CFD: variants seen among roughly 807,000 people sequenced by gnomAD.
The protein encoded by CFD is C3 convertase activator.
Under a neutral mutation model 21.1 loss-of-function variants are expected in CFD, and 24 were observed. That is an observed-to-expected ratio of 1.14 (90% CI 0.82 to 1.60). CFD has a LOEUF of 1.60. CFD is among the 40% of genes most tolerant of loss of function. CFD has a pLI of 0.00. For synonymous variants in CFD, 242 were observed against 175.9 expected (o/e 1.38, Z -2.97); for missense variants, 535 against 383.3 (o/e 1.40, Z -3.31).
rs201362518 is a variant in CFD at position 862,001 on chromosome 19, G to A, written c.615+45G>A. On this transcript the variant is annotated intron_variant, in intron 4 of 4. Transcript: ENST00000327726. ...AGGAGACGCGGGGCCTGCAGGCCCC[G>A]GGAAGGGCCTGCAGAGGGAGCGCGA... 42 of 1,511,048 alleles carry A rather than the reference G, an allele frequency of 2.8e-5. No individual in the cohort carries two copies. The East Asian group carries it at 8.6e-4, about 31-fold the overall frequency. 93.6% of individuals were successfully genotyped at this position (1,511,048 alleles called of 1,614,324 possible).
Position 863,297 on chromosome 19 carries a change from ATCCAC to A in CFD, c.*63_*67del. 1.3e-6 allele frequency: 2 copies of A among 1,533,110 alleles called. No homozygotes were observed. Among genetic ancestry groups the A allele is most frequent in the Middle Eastern group, 1.7e-4 (1 of 5,984 alleles). The allele number at this position is 1,533,110 out of a possible 1,614,324, so 95.0% of individuals were successfully genotyped here. A position where few individuals can be genotyped will look rare whatever the true frequency, so the allele number is the denominator to read the frequency against. Reference sequence around the variant, plus strand: ...CAACAAAGTCCCGAGCAATGAAGTCATCCACTCCTGCATCTGGTTGGTCTTTATTG... The same window carrying A: ...CAACAAAGTCCCGAGCAATGAAGTCATCCTGCATCTGGTTGGTCTTTATTG... On this transcript the variant is annotated 3_prime_UTR_variant, in exon 5 of 5. Transcript: ENST00000327726.
At chr19:860,840 C>A in intron 2 of CFD, 21 bp from the exon 3 acceptor site, 1 of 1,559,314 alleles carries the variant, frequency 6.4e-7, no homozygotes, top group Non-Finnish European at 8.6e-7. Flanking sequence ...GCACCGACCG[C>A]GGACTCCGTC....
chr19:859,829 C>T (rs2035760370), intron 1 of CFD, 85 bp downstream of exon 1: 5 of 1,069,270 alleles, frequency 4.7e-6, no homozygotes, highest in Admixed American at 4.0e-5. Context: ...TCCTCCAGCC[C>T]CTCCAGGTGG....
chr19:859,860 C>G (rs932033004), intron 1 of CFD, 116 bp downstream of exon 1: 5 of 749,996 alleles, frequency 6.7e-6, no homozygotes, highest in South Asian at 6.0e-5. Context: ...GGTGTCTCTC[C>G]TCACTAATGG....
In CFD at chr19:863,305, C is replaced by T; in HGVS notation, c.*67C>T. 3.3e-6 allele frequency: 5 copies of T among 1,525,054 alleles called. No homozygotes were observed. The highest frequency in any genetic ancestry group is 4.4e-6 in the Non-Finnish European group (5 of 1,136,198). 94.5% of individuals were successfully genotyped at this position (1,525,054 alleles called of 1,614,324 possible). A position where few individuals can be genotyped will look rare whatever the true frequency, so the allele number is the denominator to read the frequency against. On this transcript the variant is annotated 3_prime_UTR_variant, in exon 5 of 5. Transcript: ENST00000327726. ...TCCCGAGCAATGAAGTCATCCACTC[C>T]TGCATCTGGTTGGTCTTTATTGAGC...
chr19:860,222 G>T, intron 1 of CFD, among the ~76,000 whole-genome samples: 1 of 151,354 alleles, frequency 6.6e-6, no homozygotes, highest in Non-Finnish European at 1.5e-5. Flanking sequence ...AGGGAGTCTC[G>T]CTCTGTCGTC....
At chr19:861,990 C>T (rs1639383850) in intron 4 of CFD, 34 bp downstream of exon 4, 5 of 1,516,674 alleles carry the variant, frequency 3.3e-6, no homozygotes, top group African/African-American at 1.4e-5. Flanking sequence ...GACGCGGGGC[C>T]TGCAGGCCCC....
Position 861,830 on chromosome 19 carries a change from G to T in CFD, c.489G>T (p.Pro163=). ...TAGTCAACCACGCGGGCCGCCGCCCGGACAGCCTGCAGCACGTGCTCTTGC... is the reference window on the plus strand; with the variant it reads ...TAGTCAACCACGCGGGCCGCCGCCCTGACAGCCTGCAGCACGTGCTCTTGC... ...WGIVNHAGRR[P]DSLQHVLLPV... The change falls in exon 4 of 5, where the codon CCG becomes CCT. Residue 163 remains proline, a synonymous_variant. Transcript: ENST00000327726. 6.2e-7 allele frequency: 1 copy of T among 1,601,358 alleles called. No individual in the cohort carries two copies. The highest frequency in any genetic ancestry group is 8.5e-7 in the Non-Finnish European group (1 of 1,178,816).
chr19:860,581 C>A, intron 1 of CFD, 36 bp from the exon 2 acceptor site: 2 of 1,394,836 alleles, frequency 1.4e-6, no homozygotes, highest in Non-Finnish European at 9.3e-7. Context: ...GGGGAGGAGT[C>A]CACCCCGCGG....
intron 4 of CFD, among the ~76,000 whole-genome samples, chr19:862,477 AGG>A (rs1311671444): frequency 3.9e-5 from 1 of 25,470 alleles, no homozygotes; most frequent in Non-Finnish European, 7.3e-5. Flanking sequence ...TGGGAGGTAT[AGG>A]GGGCGGGCAC....
intron 3 of CFD, among the ~76,000 whole-genome samples, chr19:861,455 G>A (rs948879047): frequency 1.4e-4 from 4 of 28,984 alleles, no homozygotes; most frequent in Non-Finnish European, 1.9e-4. Flanking sequence ...CCCACCCCCC[G>A]CTCCCCCTGC....
chr19:861,566 C>G, intron 3 of CFD, 133 bp from the exon 4 acceptor site: 1 of 898,892 alleles, frequency 1.1e-6, no homozygotes. Context: ...TAGCCTAAAT[C>G]TCTCCTGCTG....
rs1357834028 is a variant in CFD, at chr19:863,227, G to A, written c.751G>A (p.Val251Ile). 3.2e-6 allele frequency: 5 copies of A among 1,546,262 alleles called. No individual in the cohort carries two copies. The highest frequency in any genetic ancestry group is 4.3e-6 in the Non-Finnish European group (5 of 1,152,404). Residue 251 changes from valine (V) to isoleucine (I), a missense_variant, in exon 5 of 5, where the codon GTC becomes ATC. Val to Ile is a conservative substitution (Grantham distance 29). Transcript: ENST00000327726. ...GAGCTATGCGGCCTGGATCGACAGC[G>A]TCCTGGCCTAGGGTGCCGGGGCCTG... Reference protein sequence around the residue: ...VASYAAWIDSVLA With the variant: ...VASYAAWIDSILA
rs1438821159 is a variant in CFD at position 863,159 on chromosome 19, T to C, written c.683T>C (p.Val228Ala). The C allele has an allele frequency of 6.5e-7, 1 of 1,536,450 alleles. No homozygotes were observed. The change falls in exon 5 of 5, where the codon GTT becomes GCT. Residue 228 changes from valine to alanine, a missense_variant. Physicochemically the swap from Val to Ala is moderately conservative, Grantham distance 64. Coordinates refer to ENST00000327726, the MANE Select transcript of CFD (RefSeq NM_001928.4). The stretch of plus-strand genomic sequence containing the variant: ...GGCGTGGTCACCTCGGGCTCGCGCG[T>C]TTGCGGCAACCGCAAGAAGCCCGGG... ...LEGVVTSGSR[V>A]CGNRKKPGIY... is the part of the protein sequence containing the mutation.
In CFD at chr19:863,122, G is replaced by T. The variant is rs1281369805; in HGVS notation, c.646G>T (p.Gly216Cys). The change falls in exon 5 of 5, where the codon GGC becomes TGC. Residue 216 changes from glycine (G) to cysteine (C), a missense_variant. Gly to Cys is a radical substitution (Grantham distance 159). Coordinates refer to ENST00000327726, the MANE Select transcript of CFD (RefSeq NM_001928.4). ...CTCCGGGGGCCCGCTGGTGTGCGGG[G>T]GCGTGCTCGAGGGCGTGGTCACCTC... ...GDSGGPLVCGGVLEGVVTSGS... is the reference protein window; with the variant it reads ...GDSGGPLVCGCVLEGVVTSGS... 5 of 1,531,782 alleles carry T rather than the reference G, an allele frequency of 3.3e-6. No homozygotes were observed. The South Asian group carries it at 4.8e-5, about 15-fold the overall frequency. The allele number at this position is 1,531,782 out of a possible 1,614,324, so 94.9% of individuals were successfully genotyped here.
rs1568310000 is a variant in CFD at position 861,708 on chromosome 19, A to G, written c.367A>G (p.Lys123Glu). ...HDLLLLQLSE[K>E]ATLGPAVRPL... The stretch of plus-strand genomic sequence containing the variant: ...CCGCCTCCACCCTCAGCTGTCGGAG[A>G]AGGCCACACTGGGCCCTGCTGTGCG... The change falls in exon 4 of 5, where the codon AAG becomes GAG. Residue 123 changes from lysine to glutamate, a missense_variant. Transcript: ENST00000327726. The G allele has an allele frequency of 1.2e-6, 2 of 1,602,174 alleles. No homozygotes were observed. Among genetic ancestry groups the G allele is most frequent in the South Asian group, 1.1e-5 (1 of 89,820 alleles).
Position 860,628 on chromosome 19 carries a change from C to T in CFD, c.67C>T (p.Arg23Cys). Residue 23 changes from arginine to cysteine, a missense_variant, in exon 2 of 5, where the codon CGT becomes TGT. Transcript: ENST00000327726. ...LGAAACAAPPRGRILGGREAE... is the reference protein window; with the variant it reads ...LGAAACAAPPCGRILGGREAE... ...CCGCCCACCCACAGCGGCGCCGCCC[C>T]GTGGTCGGATCCTGGGCGGCAGAGA... is the stretch of plus-strand genomic sequence containing the variant. The T allele has an allele frequency of 2.1e-6, 3 of 1,459,298 alleles. No individual in the cohort carries two copies. The highest frequency in any genetic ancestry group is 9.0e-7 in the Non-Finnish European group (1 of 1,113,518). The allele number at this position is 1,459,298 out of a possible 1,614,324, so 90.4% of individuals were successfully genotyped here. A position where few individuals can be genotyped will look rare whatever the true frequency, so the allele number is the denominator to read the frequency against.
Position 860,904 on chromosome 19 carries a change from T to A in CFD, c.256T>A (p.Ser86Thr). Residue 86 changes from serine to threonine, a missense_variant, in exon 3 of 5, where the codon TCG (serine) becomes ACG (threonine). Physicochemically the swap from Ser to Thr is moderately conservative, Grantham distance 58. Transcript: ENST00000327726. The stretch of plus-strand genomic sequence containing the variant: ...GGTTCTCCTGGGCGCGCACTCCCTG[T>A]CGCAGCCGGAGCCCTCCAAGCGCCT... ...VQVLLGAHSLSQPEPSKRLYD... is the reference protein window; with the variant it reads ...VQVLLGAHSLTQPEPSKRLYD... 6.3e-7 allele frequency: 1 copy of A among 1,592,466 alleles called. No individual in the cohort carries two copies. The highest frequency in any genetic ancestry group is 1.3e-5 in the African/African-American group (1 of 74,646).
chr19:861,372 G>GCTC (rs2035790730), intron 3 of CFD, among the ~76,000 whole-genome samples: 3 of 65,404 alleles, frequency 4.6e-5, no homozygotes, highest in African/African-American at 1.2e-4. Flanking sequence ...CTGCTGCATG[G>GCTC]GGACCCCGCC....
Sources: allele counts gnomAD v4.1 joint callset (sites outside exome capture counted in the v4.1 genomes callset), GRCh38; gene constraint gnomAD v4.1.1; transcripts MANE v1.5; gene names NCBI Gene and HGNC (gene_info 2026-07-23, HGNC 2026-07-21).